The following SPEG variants were observed in gnomAD, a reference collection of about 807,000 sequenced individuals.
SPEG encodes striated muscle preferentially expressed protein kinase.
Under a neutral mutation model 300.4 loss-of-function variants are expected in SPEG, and 114 were observed. The ratio of observed to expected loss-of-function variants is 0.38; its 90% CI spans 0.33 to 0.44. SPEG has a LOEUF of 0.44. Ranked by LOEUF, SPEG falls within the 20% of genes least tolerant of loss-of-function variation. The probability of loss-of-function intolerance (pLI) is 1.00; values close to 1 mark genes in which losing one functional copy is unlikely to be tolerated. For synonymous variants in SPEG, 1,964 were observed against 2,018.9 expected (o/e 0.97, Z 0.73); for missense variants, 4,201 against 4,586.2 (o/e 0.92, Z 2.43).
At position 219,449,074 on chromosome 2, in the gene SPEG, G is replaced by T. The variant is rs373031408; in HGVS notation, c.1916G>T (p.Arg639Leu). 14 of 1,517,212 alleles carry T rather than the reference G, an allele frequency of 9.2e-6. No individual in the cohort carries two copies. Among genetic ancestry groups the T allele is most frequent in the Non-Finnish European group, 7.9e-6 (9 of 1,132,358 alleles). The allele number at this position is 1,517,212 out of a possible 1,614,324, so 94.0% of individuals were successfully genotyped here. ...CGGGAGCCCCCGGCGCAGGCCGTGC[G>T]CTTCCTGCCCTGGGCCACGCCGGGC... ...RKREPPAQAVRFLPWATPGLE... is the reference protein window; with the variant it reads ...RKREPPAQAVLFLPWATPGLE... Residue 639 changes from arginine (R) to leucine (L), a missense_variant, in exon 4 of 41, where the codon CGC becomes CTC. Physicochemically the swap from Arg to Leu is moderately radical, Grantham distance 102. Transcript: ENST00000312358.
rs1456471274 is a variant in SPEG at position 219,464,828 on chromosome 2, T to C, written c.2881+220T>C. Reference sequence around the variant, plus strand: ...GCACATTGTTCCGTGCTCAGCTTACTACACAACACCACCTTCCCTGTTGCT... The same window carrying C: ...GCACATTGTTCCGTGCTCAGCTTACCACACAACACCACCTTCCCTGTTGCT... On this transcript the variant is annotated intron_variant, in intron 9 of 40. Coordinates refer to ENST00000312358, the MANE Select transcript of SPEG (RefSeq NM_005876.5). This position sits in a 1 kb window ranked among gnomAD's most constrained non-coding sequence, Gnocchi z 4.5. The C allele has an allele frequency of 1.5e-5, 8 of 549,912 alleles. No individual in the cohort carries two copies. The highest frequency in any genetic ancestry group is 2.6e-5 in the Non-Finnish European group (8 of 309,298). The allele number at this position is 549,912 out of a possible 1,614,324, so 34.1% of individuals were successfully genotyped here.
At chr2:219,467,769 A>G (rs1358113453) in intron 10 of SPEG, among the ~76,000 whole-genome samples, 1 of 152,238 alleles carries the variant, frequency 6.6e-6, no homozygotes, top group Non-Finnish European at 1.5e-5. Context: ...TCATCTGTAG[A>G]ACAGGGATGG....
intron 40 of SPEG, 134 bp downstream of exon 40, chr2:219,492,394 A>G: frequency 8.5e-7 from 1 of 1,182,000 alleles, no homozygotes; most frequent in East Asian, 2.4e-5. Context: ...ACTACCCACC[A>G]TTTAAAGCCT....
At chr2:219,472,412 GC>G in intron 15 of SPEG, 81 bp downstream of exon 15, 2 of 1,256,392 alleles carry the variant, frequency 1.6e-6, no homozygotes, top group Non-Finnish European at 1.1e-6. Context: ...TGGGGGCCAG[GC>G]CCCAGAAGCG....
At position 219,493,323 on chromosome 2, in the gene SPEG, G is replaced by A; in HGVS notation, c.*537G>A. ...GGGAGAAGAGAGGACTCAGGTGGAG[G>A]TGGGGTGGGTCAGCTGTCAGCATCC... On this transcript the variant is annotated 3_prime_UTR_variant, in exon 41 of 41. Transcript: ENST00000312358. The A allele has an allele frequency of 2.8e-6, 1 of 356,968 alleles. No homozygotes were observed. 22.1% of individuals were successfully genotyped at this position (356,968 alleles called of 1,614,324 possible).
intron 1 of SPEG, among the ~76,000 whole-genome samples, chr2:219,441,200 G>A (rs1688896819): frequency 6.6e-6 from 1 of 152,164 alleles, no homozygotes; most frequent in Non-Finnish European, 1.5e-5. Flanking sequence ...GGCAGGGATC[G>A]GGTGGAACAC....
In SPEG at chr2:219,477,440, A is replaced by G. The variant is rs202127635; in HGVS notation, c.4724A>G (p.His1575Arg). The change falls in exon 20 of 41, where the codon CAT (histidine) becomes CGT (arginine). Residue 1575 changes from histidine (H) to arginine (R), a missense_variant. Physicochemically the swap from His to Arg is conservative, Grantham distance 29 (BLOSUM62 0). Around this residue, in one of 4 missense-constraint regions of SPEG, gnomAD observed 1,047 missense variants for 1,356.8 expected, o/e 0.77. Transcript: ENST00000312358. The surrounding 1 kb of genome is among the most constrained non-coding windows in gnomAD (Gnocchi z 6.4). The part of the protein sequence containing the change: ...EVSCKAELAV[H>R]SAQTAMEVEG... ...TCCTGCAAAGCAGAGTTGGCTGTGC[A>G]TTCAGGTAGGCAGGAGTTCCGGAGA... 6.3e-6 allele frequency: 10 copies of G among 1,583,346 alleles called. No individual in the cohort carries two copies. The highest frequency in any genetic ancestry group is 8.6e-6 in the Non-Finnish European group (10 of 1,164,196).
chr2:219,487,731 CCTCATT>C (rs1192541418), intron 31 of SPEG, among the ~76,000 whole-genome samples: 1 of 152,240 alleles, frequency 6.6e-6, no homozygotes, highest in Non-Finnish European at 1.5e-5. Flanking sequence ...ATAGAACATT[CCTCATT>C]TGGTCCCATC....
chr2:219,484,927 C>T lies in SPEG; in HGVS notation c.7464C>T (p.Phe2488=), dbSNP rs1375512618. Reference sequence around the variant, plus strand: ...CGTCGGGCCGCAGCACGCCGCTGTTCGGACGGCTTCGCAGGGCCACGTCCG... The same window carrying T: ...CGTCGGGCCGCAGCACGCCGCTGTTTGGACGGCTTCGCAGGGCCACGTCCG... ...GGASGRSTPL[F]GRLRRATSEG... is the part of the protein sequence containing the mutation. Residue 2488 remains phenylalanine, a synonymous_variant, in exon 30 of 41, where the codon TTC becomes TTT. Coordinates refer to ENST00000312358, the MANE Select transcript of SPEG (RefSeq NM_005876.5). 1.3e-6 allele frequency: 2 copies of T among 1,528,926 alleles called. No individual in the cohort carries two copies. Among genetic ancestry groups the T allele is most frequent in the Non-Finnish European group, 1.7e-6 (2 of 1,144,498 alleles). 94.7% of individuals were successfully genotyped at this position (1,528,926 alleles called of 1,614,324 possible). A position where few individuals can be genotyped will look rare whatever the true frequency, so the allele number is the denominator to read the frequency against.
chr2:219,461,756 G>A (rs1273898778), intron 6 of SPEG, 126 bp from the exon 7 acceptor site: 31 of 1,055,010 alleles, frequency 2.9e-5, no homozygotes, highest in Non-Finnish European at 4.3e-5. Flanking sequence ...GCCTGGGGGT[G>A]AAGTCAGGGC....
chr2:219,467,247 G>T lies in SPEG; in HGVS notation c.2955G>T (p.Ala985=). The T allele has an allele frequency of 6.2e-7, 1 of 1,606,730 alleles. No homozygotes were observed. The highest frequency in any genetic ancestry group is 8.5e-7 in the Non-Finnish European group (1 of 1,178,326). The change falls in exon 10 of 41, where the codon GCG becomes GCT. Residue 985 remains alanine, a synonymous_variant. Transcript: ENST00000312358. ...TGGACGTGGGGGCCGGGGAGATGGC[G>T]CTGTTTGAGTGCCTGGTGGCGGGGC... The part of the protein sequence containing the change: ...QDVDVGAGEM[A]LFECLVAGPT...
chr2:219,473,964 C>A lies in SPEG; in HGVS notation c.4447+61C>A, dbSNP rs1040230064. On this transcript the variant is annotated intron_variant, in intron 18 of 40. Transcript: ENST00000312358. The surrounding 1 kb of genome is among the most constrained non-coding windows in gnomAD (Gnocchi z 4.6). Reference sequence around the variant, plus strand: ...CAAGGCCCAAAGCTCTCTACTCACACCCCCAGGTACACAACCTGCCTGACA... The same window carrying A: ...CAAGGCCCAAAGCTCTCTACTCACAACCCCAGGTACACAACCTGCCTGACA... 20 of 1,527,360 alleles carry A rather than the reference C, an allele frequency of 1.3e-5. No homozygotes were observed. The highest frequency in any genetic ancestry group is 1.6e-5 in the Non-Finnish European group (18 of 1,132,380). The allele number at this position is 1,527,360 out of a possible 1,614,324, so 94.6% of individuals were successfully genotyped here.
intron 13 of SPEG, among the ~76,000 whole-genome samples, chr2:219,470,194 A>C (rs1054727496): frequency 6.6e-6 from 1 of 152,230 alleles, no homozygotes. Context: ...ACCTTGCCAC[A>C]GGCCTATAAG....
chr2:219,455,624 T>A (rs761351323), intron 6 of SPEG, among the ~76,000 whole-genome samples: 3 of 152,192 alleles, frequency 2.0e-5, no homozygotes, highest in Non-Finnish European at 2.9e-5. Flanking sequence ...ACCATGACAC[T>A]ATCCCACCCC....
In SPEG at chr2:219,477,902, C is replaced by T. The variant is rs375185447; in HGVS notation, c.4827-3C>T. On this transcript the variant is annotated splice_region_variant and splice_polypyrimidine_tract_variant and intron_variant, in intron 21 of 40. Transcript: ENST00000312358. The surrounding 1 kb of genome is among the most constrained non-coding windows in gnomAD (Gnocchi z 6.4). ...TCTCTGACCCCCTCCCTGTGTCAAC[C>T]AGGGGTGCTTTCTCCTACTTGCGGC... is the stretch of plus-strand genomic sequence containing the variant. 4 of 1,613,542 alleles carry T rather than the reference C, an allele frequency of 2.5e-6. No homozygotes were observed. In the African/African-American group the frequency reaches 4.0e-5, roughly 16 times the overall value.
intron 6 of SPEG, chr2:219,461,251 C>T (rs1690661981): frequency 1.4e-5 from 14 of 986,004 alleles, no homozygotes; most frequent in Non-Finnish European, 1.7e-5. Context: ...GCTCTGCTTT[C>T]CTATCCCTCG....
Position 219,484,902 on chromosome 2 carries a change from C to T in SPEG, c.7439C>T (p.Ala2480Val). The T allele has an allele frequency of 6.6e-7, 1 of 1,525,740 alleles. No homozygotes were observed. The highest frequency in any genetic ancestry group is 8.7e-7 in the Non-Finnish European group (1 of 1,143,746). 94.5% of individuals were successfully genotyped at this position (1,525,740 alleles called of 1,614,324 possible). ...GGCAGCAGCGAGGACTCGGGGGGCG[C>T]GTCGGGCCGCAGCACGCCGCTGTTC... ...RSGSSEDSGG[A>V]SGRSTPLFGR... The change falls in exon 30 of 41, where the codon GCG (alanine) becomes GTG (valine). Residue 2480 changes from alanine (A) to valine (V), a missense_variant. Coordinates refer to ENST00000312358, the MANE Select transcript of SPEG (RefSeq NM_005876.5).
At position 219,473,730 on chromosome 2, in the gene SPEG, G is replaced by A; in HGVS notation, c.4274G>A (p.Cys1425Tyr). 1 of 1,612,940 alleles carries A rather than the reference G, an allele frequency of 6.2e-7. No individual in the cohort carries two copies. Among genetic ancestry groups the A allele is most frequent in the East Asian group, 2.2e-5 (1 of 44,852 alleles). The part of the protein sequence containing the change: ...HVEAQVVWRS[C>Y]RGALLEARAG... ...CCTCCCTGTCATGTGTCCCCTAGCT[G>A]CCGAGGGGCCCTCCTAGAGGCACGG... The change falls in exon 18 of 41, where the codon TGC (cysteine) becomes TAC (tyrosine). Residue 1425 changes from cysteine (C) to tyrosine (Y), a missense_variant and splice_region_variant. By Grantham distance (194) the Cys-to-Tyr change is radical. Coordinates refer to ENST00000312358, the MANE Select transcript of SPEG (RefSeq NM_005876.5). This position sits in a 1 kb window ranked among gnomAD's most constrained non-coding sequence, Gnocchi z 4.6.
In SPEG at chr2:219,449,118, C is replaced by G; in HGVS notation, c.1960C>G (p.Pro654Ala). 6.8e-7 allele frequency: 1 copy of G among 1,463,272 alleles called. No homozygotes were observed. The highest frequency in any genetic ancestry group is 1.4e-5 in the South Asian group (1 of 71,668). 90.6% of individuals were successfully genotyped at this position (1,463,272 alleles called of 1,614,324 possible). ...GCCGGGCCTGGAGGGCGCTGCTGTA[C>G]CCCAGACCTTGGAGAAGAACAGGGC... is the stretch of plus-strand genomic sequence containing the variant. ...ATPGLEGAAV[P>A]QTLEKNRAGP... Residue 654 changes from proline to alanine, a missense_variant, in exon 4 of 41, where the codon CCC becomes GCC. Transcript: ENST00000312358.
Sources: allele counts gnomAD v4.1 joint callset (sites outside exome capture counted in the v4.1 genomes callset), GRCh38; gene constraint gnomAD v4.1.1; regional missense constraint gnomAD v4.1.1; non-coding constraint Gnocchi (gnomAD v3.1); transcripts MANE v1.5; gene names NCBI Gene and HGNC (gene_info 2026-07-23, HGNC 2026-07-21).